The following ADCYAP1R1 variants were observed in gnomAD, a reference collection of about 807,000 sequenced individuals.
ADCYAP1R1 encodes pituitary adenylate cyclase-activating polypeptide type I receptor.
ADCYAP1R1 carries 44 observed loss-of-function variants against 67.6 expected under a neutral mutation model. The observed-to-expected ratio is 0.65, with a 90% CI of 0.51 to 0.84. The LOEUF (loss-of-function observed/expected upper bound fraction) is 0.84, where lower values mean the gene tolerates loss of function less well. Among genes scored for constraint, ADCYAP1R1 ranks in the 40% least tolerant of loss-of-function variants. The pLI is 0.00. For missense variants in ADCYAP1R1, 477 were observed against 587.9 expected (o/e 0.81, Z 1.95); for synonymous variants, 222 against 219.6 (o/e 1.01, Z -0.10).
At chr7:31,090,565 C>T (rs749657808) in intron 12 of ADCYAP1R1, among the ~76,000 whole-genome samples, 4 of 152,172 alleles carry the variant, frequency 2.6e-5, no homozygotes, top group South Asian at 4.1e-4. Flanking sequence ...TCCCTTGCCC[C>T]GATCCTCCCA....
intron 13 of ADCYAP1R1, among the ~76,000 whole-genome samples, chr7:31,100,432 G>A (rs1796392284): frequency 1.3e-5 from 2 of 152,122 alleles, no homozygotes; most frequent in South Asian, 4.1e-4. Flanking sequence ...TACGGCCATT[G>A]TGGGTGCTTC....
At chr7:31,085,567 G>A (rs1447393676) in intron 9 of ADCYAP1R1, 125 bp downstream of exon 9, 1 of 1,117,856 alleles carries the variant, frequency 8.9e-7, no homozygotes, top group Admixed American at 2.6e-5. Context: ...GCAGGTGAAG[G>A]CATTGCCCCA....
chr7:31,086,253 A>G lies in ADCYAP1R1; in HGVS notation c.670-131A>G, dbSNP rs547348180. 4.1e-6 allele frequency: 4 copies of G among 986,526 alleles called. No individual in the cohort carries two copies. The highest frequency in any genetic ancestry group is 3.3e-5 in the African/African-American group (2 of 60,728). The allele number at this position is 986,526 out of a possible 1,614,324, so 61.1% of individuals were successfully genotyped here. ...GCTGCAATTTTCAACTCTTTGATCC[A>G]GGAATATTGACTCTCTTAGATCCTT... On this transcript the variant is annotated intron_variant, in intron 9 of 15. Coordinates refer to ENST00000304166, the MANE Select transcript of ADCYAP1R1 (RefSeq NM_001118.5). This position sits in a 1 kb window ranked among gnomAD's most constrained non-coding sequence, Gnocchi z 5.0.
At chr7:31,103,860 G>A (rs1273879471) in intron 14 of ADCYAP1R1, among the ~76,000 whole-genome samples, 8 of 152,216 alleles carry the variant, frequency 5.3e-5, no homozygotes, top group African/African-American at 1.9e-4. Context: ...CCTGGAGGAA[G>A]GAGTGGATGG....
At chr7:31,066,161 G>T (rs1794729920) in intron 3 of ADCYAP1R1, among the ~76,000 whole-genome samples, 1 of 152,204 alleles carries the variant, frequency 6.6e-6, no homozygotes, top group African/African-American at 2.4e-5. Context: ...TGGAGGATGG[G>T]ACTGCCGAGC....
rs1031396023 is a variant in ADCYAP1R1 at position 31,053,030 on chromosome 7, C to T, written c.-72+352C>T. 4.6e-5 allele frequency among the ~76,000 whole-genome samples: 7 copies of T among 152,240 alleles called. 1 individual carries two copies. In the South Asian group the frequency reaches 1.2e-3, roughly 27 times the overall value. The stretch of plus-strand genomic sequence containing the variant: ...GGAGAAGGGAGACCAGGGGGGCAGG[C>T]AAGCCATGCGGCCGGAGGGACCCGG... On this transcript the variant is annotated intron_variant, in intron 1 of 15. Coordinates refer to ENST00000304166, the MANE Select transcript of ADCYAP1R1 (RefSeq NM_001118.5).
chr7:31,077,925 G>A, intron 3 of ADCYAP1R1, 66 bp from the exon 4 acceptor site: 1 of 1,052,020 alleles, frequency 9.5e-7, no homozygotes, highest in Non-Finnish European at 1.4e-6. Flanking sequence ...TGTGTGATGT[G>A]TGTGGTGGTG....
At chr7:31,090,790 G>A (rs115382681) in intron 12 of ADCYAP1R1, among the ~76,000 whole-genome samples, 5,975 of 152,260 alleles carry the variant, frequency 0.039, 138 homozygotes, top group East Asian at 0.11. Context: ...TGGTGTATAC[G>A]TGCCACATTT....
rs868314566 is a variant in ADCYAP1R1, at chr7:31,063,364, C to A, written c.51+49C>A. ...TGGGAGCCCCAGGCTCACCTGAGTC[C>A]CCGCTCCAGAGAACTCATGTTTTTT... On this transcript the variant is annotated intron_variant, in intron 2 of 15. Coordinates refer to ENST00000304166, the MANE Select transcript of ADCYAP1R1 (RefSeq NM_001118.5). 8.7e-6 allele frequency: 14 copies of A among 1,605,292 alleles called. No homozygotes were observed. In the African/African-American group the frequency reaches 1.6e-4, roughly 18 times the overall value.
intron 5 of ADCYAP1R1, among the ~76,000 whole-genome samples, chr7:31,081,205 G>A (rs1238131225): frequency 1.3e-5 from 2 of 152,130 alleles, no homozygotes; most frequent in East Asian, 1.9e-4. Flanking sequence ...TAAGAAAAGG[G>A]TGGAAATGGG....
intron 3 of ADCYAP1R1, among the ~76,000 whole-genome samples, chr7:31,077,332 G>A (rs185273733): frequency 2.6e-5 from 4 of 151,794 alleles, no homozygotes; most frequent in Admixed American, 2.6e-4. Context: ...CATGTGTATG[G>A]TGTGTGTGAT....
chr7:31,055,452 A>C (rs2128611679), intron 1 of ADCYAP1R1, among the ~76,000 whole-genome samples: 1 of 152,288 alleles, frequency 6.6e-6, no homozygotes, highest in South Asian at 2.1e-4. Context: ...GTCCATATAC[A>C]ACTACTTAAT....
At chr7:31,058,300 G>A (rs552926768) in intron 1 of ADCYAP1R1, among the ~76,000 whole-genome samples, 40 of 152,268 alleles carry the variant, frequency 2.6e-4, no homozygotes, top group African/African-American at 9.1e-4. Context: ...GTGAGTCACC[G>A]CTCGCTCCCA....
chr7:31,094,705 C>T (rs1049687497), intron 13 of ADCYAP1R1, among the ~76,000 whole-genome samples: 2 of 152,116 alleles, frequency 1.3e-5, no homozygotes, highest in African/African-American at 4.8e-5. Context: ...GAAGTGCCCG[C>T]CAAGGTTTCA....
intron 13 of ADCYAP1R1, chr7:31,100,333 C>T (rs765083499): frequency 5.4e-5 from 36 of 664,286 alleles, no homozygotes; most frequent in South Asian, 2.2e-4. Context: ...AACCCATTCC[C>T]GGCTGTTGCA....
chr7:31,091,223 G>A (rs991937963), intron 12 of ADCYAP1R1, among the ~76,000 whole-genome samples: 6 of 152,166 alleles, frequency 3.9e-5, no homozygotes, highest in African/African-American at 1.4e-4. Context: ...ATCTTCTTTA[G>A]AGAAGTATCC....
At chr7:31,063,474 A>AAAAGAC (rs1415682455) in intron 2 of ADCYAP1R1, among the ~76,000 whole-genome samples, 159 bp downstream of exon 2, 1 of 152,230 alleles carries the variant, frequency 6.6e-6, no homozygotes, top group East Asian at 1.9e-4. Context: ...TGTGAATCAG[A>AAAAGAC]AAAGACATGC....
chr7:31,054,333 C>T (rs1311014465), intron 1 of ADCYAP1R1, among the ~76,000 whole-genome samples: 1 of 152,052 alleles, frequency 6.6e-6, no homozygotes. Flanking sequence ...CTGTGGGGAG[C>T]CTCTGAAAGG....
intron 13 of ADCYAP1R1, among the ~76,000 whole-genome samples, chr7:31,099,539 T>C (rs556841685): frequency 1.3e-5 from 2 of 152,298 alleles, no homozygotes; most frequent in East Asian, 3.9e-4. Context: ...CTGTCCCCTA[T>C]GTATGTGCTG....
Sources: gnomAD v4.1 joint callset for allele counts (sites outside exome capture counted in the v4.1 genomes callset) on GRCh38, gnomAD v4.1.1 for gene constraint, Gnocchi (gnomAD v3.1) non-coding constraint, MANE v1.5 for transcripts, NCBI Gene and HGNC (gene_info 2026-07-23, HGNC 2026-07-21) for gene names.